RAP1B: variants seen among roughly 807,000 people sequenced by gnomAD.
RAP1B encodes RAP1B, member of RAS oncogene family, also known as ras-related protein Rap-1b.
RAP1B carries 1 observed loss-of-function variant against 27.5 expected under a neutral mutation model. That is an observed-to-expected ratio of 0.04 (90% confidence interval 0.01 to 0.17). RAP1B has a LOEUF of 0.17. Ranked by LOEUF, RAP1B falls within the 10% of genes least tolerant of loss-of-function variation. The probability of loss-of-function intolerance (pLI) is 1.00; values close to 1 mark genes in which losing one functional copy is unlikely to be tolerated. For synonymous variants in RAP1B, 75 were observed against 73.1 expected (o/e 1.03, Z -0.13); for missense variants, 84 against 214.8 (o/e 0.39, Z 3.81).
intron 3 of RAP1B, 43 bp from the exon 4 acceptor site, chr12:68,651,952 T>G: frequency 6.6e-7 from 1 of 1,519,312 alleles, no homozygotes; most frequent in South Asian, 1.1e-5. Flanking sequence ...GGTAGTTTTA[T>G]GTACATTGAA....
intron 1 of RAP1B, among the ~76,000 whole-genome samples, chr12:68,628,239 A>T (rs1385138357): frequency 6.6e-6 from 1 of 152,192 alleles, no homozygotes; most frequent in Non-Finnish European, 1.5e-5. Flanking sequence ...TAAATTTCTG[A>T]TAGATTTCTC....
intron 1 of RAP1B, among the ~76,000 whole-genome samples, chr12:68,615,391 A>G (rs931847500): frequency 7.9e-5 from 12 of 152,106 alleles, no homozygotes; most frequent in Admixed American, 5.9e-4. Context: ...TTTATTGTAC[A>G]GGAGGAGTAT....
Position 68,661,188 on chromosome 12 carries a change from T to G in RAP1B, c.*1939T>G, listed in dbSNP as rs536388306. On this transcript the variant is annotated 3_prime_UTR_variant, in exon 8 of 8. Coordinates refer to ENST00000250559, the MANE Select transcript of RAP1B (RefSeq NM_001010942.3). Reference sequence around the variant, plus strand: ...GCTTTCATGTTAAGAAAAAGTCTGATTCTTTACAAAAGGGACTTGTTTTGG... The same window carrying G: ...GCTTTCATGTTAAGAAAAAGTCTGAGTCTTTACAAAAGGGACTTGTTTTGG... 1 of 152,176 alleles carries G rather than the reference T, an allele frequency of 6.6e-6. No homozygotes were observed. The highest frequency in any genetic ancestry group is 6.5e-5 in the Admixed American group (1 of 15,276). The allele number at this position is 152,176 out of a possible 1,614,324, so 9.4% of individuals were successfully genotyped here.
rs945236223 is a variant in RAP1B, at chr12:68,660,995, T to C, written c.*1746T>C. ...TGCTATAATTGAATTCTGTAAGAAC[T>C]GAATTCTTATAGAATTATTTTAAAA... On this transcript the variant is annotated 3_prime_UTR_variant, in exon 8 of 8. Transcript: ENST00000250559. The C allele has an allele frequency of 2.0e-5, 3 of 152,222 alleles. No homozygotes were observed. The highest frequency in any genetic ancestry group is 2.9e-5 in the Non-Finnish European group (2 of 68,020). 9.4% of individuals were successfully genotyped at this position (152,222 alleles called of 1,614,324 possible). A position where few individuals can be genotyped will look rare whatever the true frequency, so the allele number is the denominator to read the frequency against.
intron 1 of RAP1B, among the ~76,000 whole-genome samples, chr12:68,628,607 A>G (rs1167322764): frequency 1.3e-5 from 2 of 152,092 alleles, no homozygotes; most frequent in Non-Finnish European, 2.9e-5. Context: ...GAAAAGTACA[A>G]GAATGAGACT....
chr12:68,614,804 T>C (rs1010900666), intron 1 of RAP1B, among the ~76,000 whole-genome samples: 4 of 152,238 alleles, frequency 2.6e-5, no homozygotes, highest in African/African-American at 7.2e-5. Flanking sequence ...CTAGTGTTTT[T>C]CTGTGTTCAT....
intron 5 of RAP1B, among the ~76,000 whole-genome samples, chr12:68,654,662 A>G (rs1592468021): frequency 6.6e-6 from 1 of 152,040 alleles, no homozygotes; most frequent in East Asian, 1.9e-4. Flanking sequence ...TATTTTTAGT[A>G]GAGACAGGGT....
chr12:68,631,779 A>G (rs547164828), intron 1 of RAP1B, among the ~76,000 whole-genome samples: 1 of 152,082 alleles, frequency 6.6e-6, no homozygotes, highest in Non-Finnish European at 1.5e-5. Context: ...ACATCTCATG[A>G]TATTTTTCAT....
At chr12:68,624,983 C>A (rs1166104329) in intron 1 of RAP1B, 1 of 152,214 alleles carries the variant, frequency 6.6e-6, no homozygotes, top group Non-Finnish European at 1.5e-5. Flanking sequence ...CCTAGTTAAC[C>A]ACCCAGACTT....
In RAP1B at chr12:68,663,561, A is replaced by G. The variant is rs1874719696; in HGVS notation, c.*4312A>G. On this transcript the variant is annotated 3_prime_UTR_variant, in exon 8 of 8. Transcript: ENST00000250559. ...TGACATTAGTTTATCTTTGAAAAGT[A>G]AAAGTAAAGTGCTTATTGCTAAATA... The G allele has an allele frequency of 6.6e-6, 1 of 152,370 alleles. No individual in the cohort carries two copies. Among genetic ancestry groups the G allele is most frequent in the East Asian group, 1.9e-4 (1 of 5,194 alleles). The allele number at this position is 152,370 out of a possible 1,614,324, so 9.4% of individuals were successfully genotyped here.
In RAP1B at chr12:68,669,157, C is replaced by G. The variant is rs1359953348; in HGVS notation, c.*9908C>G. 1 of 151,886 alleles carries G rather than the reference C, an allele frequency of 6.6e-6. No homozygotes were observed. 9.4% of individuals were successfully genotyped at this position (151,886 alleles called of 1,614,324 possible). ...CTTTTCTTTATATTTATAAAAAATA[C>G]CTACAAGTTGATATAGTAAACACGA... On this transcript the variant is annotated 3_prime_UTR_variant, in exon 8 of 8. Coordinates refer to ENST00000250559, the MANE Select transcript of RAP1B (RefSeq NM_001010942.3).
Position 68,664,363 on chromosome 12 carries a change from T to C in RAP1B, c.*5114T>C, listed in dbSNP as rs1221679699. 1.3e-5 allele frequency: 2 copies of C among 152,174 alleles called. No homozygotes were observed. Among genetic ancestry groups the C allele is most frequent in the East Asian group, 3.8e-4 (2 of 5,204 alleles). 9.4% of individuals were successfully genotyped at this position (152,174 alleles called of 1,614,324 possible). A position where few individuals can be genotyped will look rare whatever the true frequency, so the allele number is the denominator to read the frequency against. ...TTCTATTAACTGTCAAACTCTTTAA[T>C]GTGCAGTGCAGTAGGTTTGGAGCAG... On this transcript the variant is annotated 3_prime_UTR_variant, in exon 8 of 8. Coordinates refer to ENST00000250559, the MANE Select transcript of RAP1B (RefSeq NM_001010942.3).
chr12:68,648,612 C>T, intron 1 of RAP1B, 87 bp from the exon 2 acceptor site: 1 of 1,084,044 alleles, frequency 9.2e-7, no homozygotes, highest in Non-Finnish European at 1.3e-6. Flanking sequence ...TTAAATAAAT[C>T]TATTTTCCTG....
rs964538882 is a variant in RAP1B, at chr12:68,669,051, T to G, written c.*9802T>G. The G allele has an allele frequency of 2.0e-5, 3 of 152,190 alleles. No individual in the cohort carries two copies. The highest frequency in any genetic ancestry group is 7.2e-5 in the African/African-American group (3 of 41,450). 9.4% of individuals were successfully genotyped at this position (152,190 alleles called of 1,614,324 possible). ...TACTTTTGCTTGTATTATAAGTGAA[T>G]ACCTTGAAAGCTCAAAAAAATCTAT... On this transcript the variant is annotated 3_prime_UTR_variant, in exon 8 of 8. Coordinates refer to ENST00000250559, the MANE Select transcript of RAP1B (RefSeq NM_001010942.3).
At chr12:68,640,946 A>T (rs1223743684) in intron 1 of RAP1B, 1 of 152,226 alleles carries the variant, frequency 6.6e-6, no homozygotes, top group Non-Finnish European at 1.5e-5. Flanking sequence ...AATACTAGTT[A>T]ATAATCTCCG....
At chr12:68,630,764 A>T (rs535652999) in intron 1 of RAP1B, among the ~76,000 whole-genome samples, 2 of 151,394 alleles carry the variant, frequency 1.3e-5, no homozygotes, top group Non-Finnish European at 2.9e-5. Context: ...TGCAACCTCA[A>T]CCTCCCCAGG....
intron 1 of RAP1B, chr12:68,643,141 G>A: frequency 1.7e-6 from 1 of 573,128 alleles, no homozygotes; most frequent in Non-Finnish European, 3.1e-6. Context: ...ACTTTAAATG[G>A]TAGTACATGG....
chr12:68,617,424 TATATAAC>T (rs2135912242), intron 1 of RAP1B, among the ~76,000 whole-genome samples: 1 of 152,356 alleles, frequency 6.6e-6, no homozygotes, highest in African/African-American at 2.4e-5. Context: ...TAGGATGAGA[TATATAAC>T]ATATGTTATC....
chr12:68,623,363 A>C (rs956674703), intron 1 of RAP1B, among the ~76,000 whole-genome samples: 1 of 152,224 alleles, frequency 6.6e-6, no homozygotes, highest in Non-Finnish European at 1.5e-5. Context: ...AGTGAATTAC[A>C]GTGAGCAGTA....
Sources: gnomAD v4.1 joint callset for allele counts (sites outside exome capture counted in the v4.1 genomes callset) on GRCh38, gnomAD v4.1.1 for gene constraint, MANE v1.5 for transcripts, NCBI Gene and HGNC (gene_info 2026-07-23, HGNC 2026-07-21) for gene names.